EYA2: variants seen among roughly 807,000 people sequenced by gnomAD.
The protein encoded by EYA2 is protein phosphatase EYA2.
A neutral mutation model predicts 69.2 loss-of-function variants in EYA2; 31 were observed. That is an observed-to-expected ratio of 0.45 (90% CI 0.34 to 0.60). The LOEUF is 0.60. Among genes scored for constraint, EYA2 ranks in the 20% least tolerant of loss-of-function variants. The pLI, the probability that EYA2 is intolerant of heterozygous loss-of-function variation, is 0.02. For synonymous variants in EYA2, 257 were observed against 279.4 expected (o/e 0.92, Z 0.80); for missense variants, 622 against 701.2 (o/e 0.89, Z 1.28).
intron 9 of EYA2, among the ~76,000 whole-genome samples, chr20:47,110,576 G>A (rs1392589872): frequency 2.0e-5 from 3 of 152,128 alleles, no homozygotes; most frequent in East Asian, 1.9e-4. Context: ...TGACTGTCTC[G>A]AGGGTAAAAA....
chr20:47,001,278 TGGC>T (rs1375505997), intron 2 of EYA2, 147 bp from the exon 3 acceptor site: 6 of 705,160 alleles, frequency 8.5e-6, no homozygotes, highest in Admixed American at 6.1e-5. Flanking sequence ...TGCTGAGATG[TGGC>T]GCCTCAGATA....
chr20:47,048,926 G>A (rs1233002611), intron 5 of EYA2, among the ~76,000 whole-genome samples: 1 of 152,190 alleles, frequency 6.6e-6, no homozygotes, highest in Non-Finnish European at 1.5e-5. Flanking sequence ...ATTTGTTCCA[G>A]CATTTCTGAG....
intron 1 of EYA2, among the ~76,000 whole-genome samples, chr20:46,956,218 G>A (rs1178131879): frequency 6.6e-6 from 1 of 152,218 alleles, no homozygotes; most frequent in Non-Finnish European, 1.5e-5. Context: ...CTTAGCATCT[G>A]ATTTTTTGCC....
At chr20:47,073,452 G>T (rs559845799) in intron 6 of EYA2, among the ~76,000 whole-genome samples, 1 of 151,800 alleles carries the variant, frequency 6.6e-6, no homozygotes, top group Admixed American at 6.6e-5. Flanking sequence ...TTTGTGTGTC[G>T]TGTGGGTGTG....
intron 8 of EYA2, among the ~76,000 whole-genome samples, chr20:47,096,751 G>A (rs2032257713): frequency 6.6e-6 from 1 of 152,176 alleles, no homozygotes; most frequent in Non-Finnish European, 1.5e-5. Flanking sequence ...ATTTAAAATG[G>A]TGGTATTTCA....
rs768688271 is a variant in EYA2 at position 47,172,817 on chromosome 20, G to A, written c.1148G>A (p.Arg383His). The A allele has an allele frequency of 4.3e-6, 7 of 1,614,130 alleles. No individual in the cohort carries two copies. The highest frequency in any genetic ancestry group is 1.1e-5 in the South Asian group (1 of 91,086). Residue 383 changes from arginine (R) to histidine (H), a missense_variant, in exon 12 of 16, where the codon CGC becomes CAC. By Grantham distance (29) the Arg-to-His change is conservative. Coordinates refer to ENST00000327619, the MANE Select transcript of EYA2 (RefSeq NM_005244.5). ...GVDWMRKLAF[R>H]YRRVKEMYNT... Reference sequence around the variant, plus strand: ...GACTGGATGAGGAAGCTGGCCTTCCGCTACCGGCGGGTGAAGGAGATGTAC... The same window carrying A: ...GACTGGATGAGGAAGCTGGCCTTCCACTACCGGCGGGTGAAGGAGATGTAC...
chr20:47,114,631 A>G (rs1042498407), intron 9 of EYA2, among the ~76,000 whole-genome samples: 2 of 152,158 alleles, frequency 1.3e-5, no homozygotes, highest in Non-Finnish European at 2.9e-5. Flanking sequence ...AATAATAATA[A>G]TAAAGCTTTG....
intron 1 of EYA2, among the ~76,000 whole-genome samples, chr20:46,973,684 A>C (rs184892659): frequency 4.9e-4 from 74 of 152,296 alleles, no homozygotes; most frequent in Non-Finnish European, 7.4e-4. Context: ...AGTCTAAGTA[A>C]TGGGTGCACA....
rs375973403 is a variant in EYA2 at position 47,188,170 on chromosome 20, C to T, written c.*37C>T. ...GCATCTCCACCTGCCATCTCACCCT[C>T]AGACCCCCTCGCCTTCCCCACCTCC... On this transcript the variant is annotated 3_prime_UTR_variant, in exon 16 of 16. Coordinates refer to ENST00000327619, the MANE Select transcript of EYA2 (RefSeq NM_005244.5). 1 of 1,539,388 alleles carries T rather than the reference C, an allele frequency of 6.5e-7. No individual in the cohort carries two copies. Among genetic ancestry groups the T allele is most frequent in the Non-Finnish European group, 8.8e-7 (1 of 1,141,028 alleles).
intron 1 of EYA2, among the ~76,000 whole-genome samples, chr20:46,975,407 T>G (rs1436523730): frequency 6.6e-6 from 1 of 152,226 alleles, no homozygotes; most frequent in African/African-American, 2.4e-5. Flanking sequence ...CAGTGGCTTA[T>G]GCCTATAATC....
chr20:47,104,264 C>T (rs796156497), intron 9 of EYA2, among the ~76,000 whole-genome samples: 7 of 152,198 alleles, frequency 4.6e-5, no homozygotes, highest in African/African-American at 1.7e-4. Flanking sequence ...TTATTCAAAT[C>T]TTTTGCTCAT....
At chr20:47,054,677 G>C (rs1387938937) in intron 5 of EYA2, among the ~76,000 whole-genome samples, 1 of 152,150 alleles carries the variant, frequency 6.6e-6, no homozygotes, top group East Asian at 1.9e-4. Flanking sequence ...CCCATACAGA[G>C]TTCTTTCTGC....
chr20:47,054,014 C>T (rs1461330259), intron 5 of EYA2, among the ~76,000 whole-genome samples: 4 of 152,070 alleles, frequency 2.6e-5, no homozygotes, highest in African/African-American at 4.8e-5. Flanking sequence ...TTGATGATGA[C>T]ACTCACCTTA....
At chr20:47,103,701 C>T (rs1439826564) in intron 9 of EYA2, among the ~76,000 whole-genome samples, 1 of 152,128 alleles carries the variant, frequency 6.6e-6, no homozygotes, top group African/African-American at 2.4e-5. Flanking sequence ...GGGAAACCAC[C>T]CCTATGATCC....
chr20:47,162,517 C>CT (rs10634442), intron 10 of EYA2, among the ~76,000 whole-genome samples: 19,597 of 121,048 alleles, frequency 0.16, 2,057 homozygotes, highest in African/African-American at 0.2. Context: ...ACACATTATC[C>CT]TTTTTTTTTT....
chr20:47,025,294 C>T (rs1164026369), intron 5 of EYA2, among the ~76,000 whole-genome samples: 1 of 152,202 alleles, frequency 6.6e-6, no homozygotes, highest in Non-Finnish European at 1.5e-5. Context: ...AGCTGTAACC[C>T]TACTTCTTCC....
rs544412821 is a variant in EYA2, at chr20:47,176,066, C to A, written c.1198+3199C>A. Among the ~76,000 whole-genome samples the A allele has an allele frequency of 1.3e-3, 185 of 146,192 alleles. 1 individual carries two copies. The highest frequency in any genetic ancestry group is 4.6e-3 in the African/African-American group (177 of 38,758). On this transcript the variant is annotated intron_variant, in intron 12 of 15. Coordinates refer to ENST00000327619, the MANE Select transcript of EYA2 (RefSeq NM_005244.5). ...ACAGACCATCAACAAGTGAGCAAAT[C>A]ACTTAAATTCTTTTTTTTTTTTTTT...
chr20:46,949,281 C>T (rs779724964), intron 1 of EYA2, among the ~76,000 whole-genome samples: 2 of 152,130 alleles, frequency 1.3e-5, no homozygotes, highest in East Asian at 1.9e-4. Context: ...ATACATGAGC[C>T]GGTTCCTTTT....
At chr20:46,903,408 T>C (rs2146213662) in intron 1 of EYA2, among the ~76,000 whole-genome samples, 1 of 152,328 alleles carries the variant, frequency 6.6e-6, no homozygotes, top group South Asian at 2.1e-4. Flanking sequence ...GCCCCAGGCT[T>C]ACTCGGCCGA....
Sources: allele counts gnomAD v4.1 joint callset (sites outside exome capture counted in the v4.1 genomes callset), GRCh38; gene constraint gnomAD v4.1.1; transcripts MANE v1.5; gene names NCBI Gene and HGNC (gene_info 2026-07-23, HGNC 2026-07-21).